GABRG3: variants seen among roughly 807,000 people sequenced by gnomAD.
GABRG3 encodes the protein gamma-aminobutyric acid type A receptor subunit gamma3.
A neutral mutation model predicts 48.8 loss-of-function variants in GABRG3; 25 were observed. The ratio of observed to expected loss-of-function variants is 0.51; its 90% CI spans 0.37 to 0.72. The LOEUF (loss-of-function observed/expected upper bound fraction) is 0.72. GABRG3 is among the 30% of genes least tolerant of loss of function. GABRG3 has a pLI of 0.00. For missense variants in GABRG3, 394 were observed against 577.9 expected (o/e 0.68, Z 3.26); for synonymous variants, 227 against 217.6 (o/e 1.04, Z -0.38).
intron 3 of GABRG3, among the ~76,000 whole-genome samples, chr15:27,285,573 A>G (rs1891584120): frequency 6.6e-6 from 1 of 152,216 alleles, no homozygotes; most frequent in African/African-American, 2.4e-5. Flanking sequence ...AAATAAATAT[A>G]GTAGTTATTA....
intron 2 of GABRG3, among the ~76,000 whole-genome samples, chr15:27,007,819 G>A (rs1333686923): frequency 6.6e-6 from 1 of 151,860 alleles, no homozygotes; most frequent in Non-Finnish European, 1.5e-5. Flanking sequence ...GACTTTTATT[G>A]GATGCATAGT....
chr15:27,202,657 C>A (rs77437107), intron 3 of GABRG3, among the ~76,000 whole-genome samples: 1 of 151,980 alleles, frequency 6.6e-6, no homozygotes, highest in East Asian at 1.9e-4. Context: ...CATTTTTTTG[C>A]TTCTTTCAGC....
chr15:27,084,769 C>A (rs767643602), intron 3 of GABRG3, among the ~76,000 whole-genome samples: 2 of 152,244 alleles, frequency 1.3e-5, no homozygotes, highest in Non-Finnish European at 2.9e-5. Context: ...CAACTGACCA[C>A]TGACCTCCAT....
At chr15:27,031,176 C>A (rs1372526391) in intron 3 of GABRG3, among the ~76,000 whole-genome samples, 2 of 152,052 alleles carry the variant, frequency 1.3e-5, no homozygotes, top group Admixed American at 6.6e-5. Flanking sequence ...CCATCTTTAT[C>A]ATGCAAAGCC....
intron 3 of GABRG3, among the ~76,000 whole-genome samples, chr15:27,197,324 G>A (rs1489283761): frequency 6.6e-6 from 1 of 152,090 alleles, no homozygotes; most frequent in African/African-American, 2.4e-5. Flanking sequence ...ACCCGCTTCT[G>A]CCCCAAACAG....
intron 3 of GABRG3, among the ~76,000 whole-genome samples, chr15:27,097,369 G>T (rs545733403): frequency 1.3e-5 from 2 of 152,132 alleles, no homozygotes; most frequent in Non-Finnish European, 2.9e-5. Context: ...GGCTTAGGAA[G>T]AAAGAGTATC....
At chr15:27,029,616 C>T (rs1394009958) in intron 3 of GABRG3, among the ~76,000 whole-genome samples, 1 of 152,194 alleles carries the variant, frequency 6.6e-6, no homozygotes, top group Non-Finnish European at 1.5e-5. Flanking sequence ...GTGTGTCTCT[C>T]TCTGTTCCTT....
rs573023601 is a variant in GABRG3 at position 27,026,556 on chromosome 15, T to C, written c.203-198T>C. Among the ~76,000 whole-genome samples the C allele has an allele frequency of 5.1e-4, 77 of 152,320 alleles. 1 individual carries two copies. The highest frequency in any genetic ancestry group is 1.6e-3 in the African/African-American group (67 of 41,572). ...CTGAAAAGATACAAGTAAGAATCTC[T>C]CATCCTTCGAGAATTTTGAAAAGAA... On this transcript the variant is annotated intron_variant, in intron 2 of 9. Transcript: ENST00000615808.
intron 3 of GABRG3, among the ~76,000 whole-genome samples, chr15:27,269,204 T>A (rs996195680): frequency 2.0e-5 from 3 of 152,178 alleles, no homozygotes; most frequent in Non-Finnish European, 4.4e-5. Context: ...TCAGTTGGCC[T>A]CACCCAGAAC....
chr15:27,393,541 T>C (rs1205357056), intron 5 of GABRG3, among the ~76,000 whole-genome samples: 3 of 152,154 alleles, frequency 2.0e-5, no homozygotes, highest in Non-Finnish European at 4.4e-5. Context: ...TACCCTTCTA[T>C]ATCTATATTT....
intron 3 of GABRG3, among the ~76,000 whole-genome samples, chr15:27,214,653 A>G (rs1889182793): frequency 6.6e-6 from 1 of 151,926 alleles, no homozygotes; most frequent in Non-Finnish European, 1.5e-5. Context: ...AAATTTCTAA[A>G]CAAATTTAGC....
chr15:27,300,921 C>T (rs1274215678), intron 3 of GABRG3, among the ~76,000 whole-genome samples: 2 of 151,936 alleles, frequency 1.3e-5, no homozygotes, highest in South Asian at 2.1e-4. Context: ...AAGCCAAGAT[C>T]GCACCACTGT....
At chr15:27,421,522 C>T (rs1212297110) in intron 5 of GABRG3, among the ~76,000 whole-genome samples, 1 of 151,768 alleles carries the variant, frequency 6.6e-6, no homozygotes, top group Non-Finnish European at 1.5e-5. Context: ...ACTGAGTGTT[C>T]TAAGATATCC....
intron 3 of GABRG3, among the ~76,000 whole-genome samples, chr15:27,189,353 C>T (rs1444179573): frequency 6.6e-6 from 1 of 152,054 alleles, no homozygotes; most frequent in Non-Finnish European, 1.5e-5. Flanking sequence ...ATTCTTCCTA[C>T]CCATGAGCAT....
intron 5 of GABRG3, among the ~76,000 whole-genome samples, chr15:27,454,063 C>A (rs1051241924): frequency 4.6e-5 from 7 of 152,234 alleles, no homozygotes; most frequent in African/African-American, 1.7e-4. Context: ...TCCACAGAGG[C>A]AGCTGCCACA....
chr15:27,221,722 C>G (rs922261334), intron 3 of GABRG3, among the ~76,000 whole-genome samples: 1 of 152,116 alleles, frequency 6.6e-6, no homozygotes, highest in African/African-American at 2.4e-5. Context: ...ATAATTTCTC[C>G]TGTATTTGTC....
intron 3 of GABRG3, chr15:27,158,161 A>G (rs543933320): frequency 1.3e-4 from 20 of 152,180 alleles, no homozygotes; most frequent in African/African-American, 4.3e-4. Flanking sequence ...TACAGCTGCG[A>G]GGAATAAGAC....
chr15:27,329,806 CTATT>C (rs774993880), intron 5 of GABRG3, among the ~76,000 whole-genome samples: 8 of 152,138 alleles, frequency 5.3e-5, no homozygotes, highest in Non-Finnish European at 1.2e-4. Context: ...AATATCAAAT[CTATT>C]TATACAATTT....
intron 3 of GABRG3, among the ~76,000 whole-genome samples, chr15:27,069,410 A>G (rs1896790202): frequency 6.6e-6 from 1 of 152,154 alleles, no homozygotes; most frequent in Non-Finnish European, 1.5e-5. Flanking sequence ...CCCACAATGA[A>G]TGAGTTACAT....
Sources: gnomAD v4.1 joint callset for allele counts (sites outside exome capture counted in the v4.1 genomes callset) on GRCh38, gnomAD v4.1.1 for gene constraint, MANE v1.5 for transcripts, NCBI Gene and HGNC (gene_info 2026-07-23, HGNC 2026-07-21) for gene names.